CDH15: variants seen among roughly 807,000 people sequenced by gnomAD.
CDH15 encodes cadherin-15.
Under a neutral mutation model 69.4 loss-of-function variants are expected in CDH15, and 73 were observed. The ratio of observed to expected loss-of-function variants is 1.05; its 90% CI spans 0.87 to 1.28. CDH15 has a LOEUF of 1.28. CDH15 is among the 50% of genes most tolerant of loss of function. The pLI is 0.00. For synonymous variants in CDH15, 624 were observed against 507.7 expected (o/e 1.23, Z -3.08); for missense variants, 1,343 against 1,133.6 (o/e 1.18, Z -2.65).
At chr16:89,187,701 G>GC in intron 6 of CDH15, 144 bp downstream of exon 6, 2 of 1,233,462 alleles carry the variant, frequency 1.6e-6, no homozygotes, top group Non-Finnish European at 2.3e-6. Flanking sequence ...GCGGGTGGAA[G>GC]CCCAAGCTGG....
intron 2 of CDH15, 135 bp from the exon 3 acceptor site, chr16:89,180,065 A>T: frequency 2.1e-6 from 2 of 949,624 alleles, no homozygotes; most frequent in Non-Finnish European, 3.2e-6. Context: ...CTCATTGGGT[A>T]CCAGGATCCG....
At position 89,187,497 on chromosome 16, in the gene CDH15, C is replaced by G; in HGVS notation, c.732C>G (p.Ala244=). ...DMSGDGLTAT[A]SAIITLDDIN... is the part of the protein sequence containing the mutation. ...CTGGAGACGGCCTCACAGCCACTGC[C>G]TCAGCCATCATCACCCTTGATGACA... The change falls in exon 6 of 14, where the codon GCC becomes GCG. Residue 244 remains alanine, a synonymous_variant. Transcript: ENST00000289746. 2 of 1,613,738 alleles carry G rather than the reference C, an allele frequency of 1.2e-6. No homozygotes were observed. Among genetic ancestry groups the G allele is most frequent in the Non-Finnish European group, 1.7e-6 (2 of 1,180,024 alleles).
At position 89,171,770 on chromosome 16, in the gene CDH15, C is replaced by G; in HGVS notation, c.-62C>G. On this transcript the variant is annotated 5_prime_UTR_variant, in exon 1 of 14. Coordinates refer to ENST00000289746, the MANE Select transcript of CDH15 (RefSeq NM_004933.3). ...CGCCCCGCGCACTTGCGCTGTCACTCAGCCTGGACGCGCTTCTTCGGGTCG... is the reference window on the plus strand; with the variant it reads ...CGCCCCGCGCACTTGCGCTGTCACTGAGCCTGGACGCGCTTCTTCGGGTCG... 2.0e-6 allele frequency: 3 copies of G among 1,511,928 alleles called. No individual in the cohort carries two copies. Among genetic ancestry groups the G allele is most frequent in the South Asian group, 1.2e-5 (1 of 83,326 alleles). 93.7% of individuals were successfully genotyped at this position (1,511,928 alleles called of 1,614,324 possible). A position where few individuals can be genotyped will look rare whatever the true frequency, so the allele number is the denominator to read the frequency against.
intron 1 of CDH15, among the ~76,000 whole-genome samples, chr16:89,177,186 G>C (rs1249035851): frequency 6.6e-6 from 1 of 152,060 alleles, no homozygotes; most frequent in Non-Finnish European, 1.5e-5. Flanking sequence ...ACCGGTGGGG[G>C]GCGGGAAGGG....
Position 89,195,451 on chromosome 16 carries a change from T to A in CDH15, c.*296T>A, listed in dbSNP as rs373007328. 3.5e-4 allele frequency: 159 copies of A among 459,720 alleles called. No individual in the cohort carries two copies. Among genetic ancestry groups the A allele is most frequent in the African/African-American group, 2.8e-3 (144 of 51,634 alleles). The allele number at this position is 459,720 out of a possible 1,614,324, so 28.5% of individuals were successfully genotyped here. On this transcript the variant is annotated 3_prime_UTR_variant, in exon 14 of 14. Coordinates refer to ENST00000289746, the MANE Select transcript of CDH15 (RefSeq NM_004933.3). The stretch of plus-strand genomic sequence containing the variant: ...CTTTGTATGAAAGACAGCAACCTCC[T>A]GGGTAAATCTGAATGAAAAACGTGC...
intron 5 of CDH15, chr16:89,186,068 G>A (rs1335887303): frequency 6.9e-6 from 1 of 145,374 alleles, no homozygotes; most frequent in East Asian, 2.1e-4. Flanking sequence ...GCGCACAGTG[G>A]TGCTCTGTAA....
chr16:89,189,343 C>T, intron 7 of CDH15, among the ~76,000 whole-genome samples: 1 of 124,618 alleles, frequency 8.0e-6, no homozygotes, highest in Admixed American at 8.3e-5. Flanking sequence ...ACACAGATGC[C>T]CACACACAGA....
At chr16:89,179,091 C>G (rs1915318098) in intron 1 of CDH15, among the ~76,000 whole-genome samples, 1 of 152,250 alleles carries the variant, frequency 6.6e-6, no homozygotes, top group South Asian at 2.1e-4. Flanking sequence ...GGCCCATGCA[C>G]TCGCCAGGGG....
At position 89,191,369 on chromosome 16, in the gene CDH15, G is replaced by C; in HGVS notation, c.1272G>C (p.Val424=). ...ACGACCCGGAAGACTGGCTGCAAGTGGACGCAGCCACTGGCCGGATCCAGA... is the reference window on the plus strand; with the variant it reads ...ACGACCCGGAAGACTGGCTGCAAGTCGACGCAGCCACTGGCCGGATCCAGA... ...KDYDPEDWLQ[V]DAATGRIQTQ... The change falls in exon 9 of 14, where the codon GTG becomes GTC. Residue 424 remains valine (V), a synonymous_variant. Coordinates refer to ENST00000289746, the MANE Select transcript of CDH15 (RefSeq NM_004933.3). The C allele has an allele frequency of 6.2e-7, 1 of 1,612,402 alleles. No individual in the cohort carries two copies. Among genetic ancestry groups the C allele is most frequent in the Middle Eastern group, 1.7e-4 (1 of 6,060 alleles).
At chr16:89,191,930 C>T (rs1467186621) in intron 10 of CDH15, 36 bp downstream of exon 10, 2 of 1,514,552 alleles carry the variant, frequency 1.3e-6, no homozygotes, top group South Asian at 1.2e-5. Flanking sequence ...CCCCCATCCC[C>T]ACGCTCCCCC....
At chr16:89,177,970 G>A (rs1049562436) in intron 1 of CDH15, among the ~76,000 whole-genome samples, 1 of 152,198 alleles carries the variant, frequency 6.6e-6, no homozygotes, top group African/African-American at 2.4e-5. Context: ...CTTTGACCAA[G>A]GTGGGGCCGG....
At chr16:89,188,032 C>A (rs537589732) in intron 6 of CDH15, 68 bp from the exon 7 acceptor site, 2 of 1,411,814 alleles carry the variant, frequency 1.4e-6, no homozygotes, top group African/African-American at 2.8e-5. Flanking sequence ...GGGCTGAGGG[C>A]CCTGAGGGCC....
chr16:89,184,383 G>A (rs1049063535), intron 4 of CDH15, among the ~76,000 whole-genome samples: 6 of 152,192 alleles, frequency 3.9e-5, no homozygotes, highest in Admixed American at 2.6e-4. Flanking sequence ...CCACCTCGGT[G>A]GCTAAGTCCA....
intron 1 of CDH15, among the ~76,000 whole-genome samples, chr16:89,179,201 C>G (rs1915319774): frequency 6.6e-6 from 1 of 152,210 alleles, no homozygotes; most frequent in Non-Finnish European, 1.5e-5. Flanking sequence ...CACCAAGGCC[C>G]TGGCTCAGTC....
rs141444660 is a variant in CDH15 at position 89,179,552 on chromosome 16, G to A, written c.179G>A (p.Arg60His). The A allele has an allele frequency of 3.4e-5, 54 of 1,606,628 alleles. No homozygotes were observed. Among genetic ancestry groups the A allele is most frequent in the South Asian group, 4.4e-5 (4 of 90,504 alleles). Reference protein sequence around the residue: ...PPISVSENHKRLPYPLVQIKS... With the variant: ...PPISVSENHKHLPYPLVQIKS... Reference sequence around the variant, plus strand: ...ATCAGCGTATCCGAGAACCACAAGCGTCTCCCCTACCCCCTGGTTCAGGTG... The same window carrying A: ...ATCAGCGTATCCGAGAACCACAAGCATCTCCCCTACCCCCTGGTTCAGGTG... Residue 60 changes from arginine (R) to histidine (H), a missense_variant, in exon 2 of 14, where the codon CGT (arginine) becomes CAT (histidine). Transcript: ENST00000289746.
rs200239402 is a variant in CDH15 at position 89,191,479 on chromosome 16, G to A, written c.1375+7G>A. 175 of 1,611,734 alleles carry A rather than the reference G, an allele frequency of 1.1e-4. No homozygotes were observed. Among genetic ancestry groups the A allele is most frequent in the Non-Finnish European group, 1.3e-4 (150 of 1,179,790 alleles). On this transcript the variant is annotated splice_region_variant and intron_variant, in intron 9 of 13. Coordinates refer to ENST00000289746, the MANE Select transcript of CDH15 (RefSeq NM_004933.3). ...GTCCTGGCCCAGGATGACGGTGAGC[G>A]GCGCCGCCGGCTTGGGGCTCCCTGA...
At position 89,192,237 on chromosome 16, in the gene CDH15, G is replaced by A. The variant is rs555622852; in HGVS notation, c.1648G>A (p.Val550Ile). 52 of 1,529,454 alleles carry A rather than the reference G, an allele frequency of 3.4e-5. No individual in the cohort carries two copies. Among genetic ancestry groups the A allele is most frequent in the African/African-American group, 6.9e-5 (5 of 72,400 alleles). 94.7% of individuals were successfully genotyped at this position (1,529,454 alleles called of 1,614,324 possible). The change falls in exon 11 of 14, where the codon GTC becomes ATC. Residue 550 changes from valine (V) to isoleucine (I), a missense_variant. Physicochemically the swap from Val to Ile is conservative, Grantham distance 29 (BLOSUM62 3). Coordinates refer to ENST00000289746, the MANE Select transcript of CDH15 (RefSeq NM_004933.3). ...CGCGCGCCTGCGGCCGCGACACCAG[G>A]TCCCCGAAGGCCTGCACCGCCTCAG... ...SHARLRPRHQ[V>I]PEGLHRLSLL...
At position 89,190,442 on chromosome 16, in the gene CDH15, T is replaced by C. The variant is rs988417888; in HGVS notation, c.1178T>C (p.Leu393Pro). 7.5e-6 allele frequency: 12 copies of C among 1,607,620 alleles called. No homozygotes were observed. The highest frequency in any genetic ancestry group is 6.7e-5 in the African/African-American group (5 of 74,920). Reference sequence around the variant, plus strand: ...GCAGAGGGGGCACCCCCAGGCACTCTGGTGGCCACCTTCTCTGCCCGGGAC... The same window carrying C: ...GCAGAGGGGGCACCCCCAGGCACTCCGGTGGCCACCTTCTCTGCCCGGGAC... ...SLAEGAPPGT[L>P]VATFSARDPD... The change falls in exon 8 of 14, where the codon CTG (leucine) becomes CCG (proline). Residue 393 changes from leucine to proline, a missense_variant. Physicochemically the swap from Leu to Pro is moderately conservative, Grantham distance 98. Coordinates refer to ENST00000289746, the MANE Select transcript of CDH15 (RefSeq NM_004933.3).
rs765782937 is a variant in CDH15 at position 89,191,816 on chromosome 16, C to A, written c.1537C>A (p.His513Asn). 21 of 1,604,612 alleles carry A rather than the reference C, an allele frequency of 1.3e-5. No individual in the cohort carries two copies. Among genetic ancestry groups the A allele is most frequent in the East Asian group, 6.7e-5 (3 of 44,832 alleles). Residue 513 changes from histidine (H) to asparagine (N), a missense_variant, in exon 10 of 14, where the codon CAC becomes AAC. Coordinates refer to ENST00000289746, the MANE Select transcript of CDH15 (RefSeq NM_004933.3). ...LGATDEDLPP[H>N]GAPFHFQLSP... ...CGCCACGGATGAGGACCTGCCCCCC[C>A]ACGGGGCCCCCTTCCACTTCCAGCT...
Sources: allele counts gnomAD v4.1 joint callset (sites outside exome capture counted in the v4.1 genomes callset), GRCh38; gene constraint gnomAD v4.1.1; transcripts MANE v1.5; gene names NCBI Gene and HGNC (gene_info 2026-07-23, HGNC 2026-07-21).